Variants in CNTN5 observed in about 807,000 individuals in gnomAD.
CNTN5 encodes contactin-5.
CNTN5 carries 77 observed loss-of-function variants against 129.1 expected under a neutral mutation model. The ratio of observed to expected loss-of-function variants is 0.60; its 90% CI spans 0.50 to 0.72. The LOEUF (loss-of-function observed/expected upper bound fraction) is 0.72. CNTN5 is among the 30% of genes least tolerant of loss of function. The probability of loss-of-function intolerance (pLI) is 0.00; values close to 1 mark genes in which losing one functional copy is unlikely to be tolerated. For synonymous variants in CNTN5, 509 were observed against 465.6 expected (o/e 1.09, Z -1.20); for missense variants, 1,478 against 1,328.8 (o/e 1.11, Z -1.75).
chr11:99,784,194 C>A (rs538064835), intron 3 of CNTN5, among the ~76,000 whole-genome samples: 1 of 151,940 alleles, frequency 6.6e-6, no homozygotes, highest in Non-Finnish European at 1.5e-5. Context: ...GTGCAGAATG[C>A]GCAGGTTTGT....
At chr11:99,528,095 G>C (rs1026634364) in intron 2 of CNTN5, among the ~76,000 whole-genome samples, 1 of 152,112 alleles carries the variant, frequency 6.6e-6, no homozygotes, top group African/African-American at 2.4e-5. Flanking sequence ...GAATGATGCT[G>C]TCATAAAACA....
intron 3 of CNTN5, among the ~76,000 whole-genome samples, chr11:99,747,246 A>C (rs927549351): frequency 6.6e-6 from 1 of 151,952 alleles, no homozygotes; most frequent in African/African-American, 2.4e-5. Flanking sequence ...AGTACTACTG[A>C]TTTTTGTATG....
chr11:99,809,536 G>C (rs1373585199), intron 3 of CNTN5, among the ~76,000 whole-genome samples: 1 of 151,848 alleles, frequency 6.6e-6, no homozygotes, highest in Non-Finnish European at 1.5e-5. Flanking sequence ...TGGCCATCTA[G>C]GATTCCATTA....
intron 8 of CNTN5, among the ~76,000 whole-genome samples, chr11:99,996,069 C>T (rs1939424770): frequency 6.6e-6 from 1 of 152,128 alleles, no homozygotes; most frequent in Non-Finnish European, 1.5e-5. Flanking sequence ...TTAACCGTGT[C>T]CTTTTTTCTT....
chr11:99,275,692 T>C (rs879572481), intron 1 of CNTN5, among the ~76,000 whole-genome samples: 3 of 151,618 alleles, frequency 2.0e-5, no homozygotes, highest in Non-Finnish European at 3.0e-5. Flanking sequence ...GGAAACTAAG[T>C]GTATTCAACT....
chr11:99,255,857 T>A lies in CNTN5; in HGVS notation c.-209-69489T>A, dbSNP rs186707014. On this transcript the variant is annotated intron_variant, in intron 1 of 24. Transcript: ENST00000524871. ...GCACACGCACACACACACCCCACATTGGGTGCTCTTTCGTTTCTCCACTCT... is the reference window on the plus strand; with the variant it reads ...GCACACGCACACACACACCCCACATAGGGTGCTCTTTCGTTTCTCCACTCT... Among the ~76,000 whole-genome samples the A allele has an allele frequency of 4.4e-4, 66 of 151,370 alleles. No homozygotes were observed. In the East Asian group the frequency reaches 0.012, roughly 28 times the overall value.
chr11:99,731,039 T>C (rs1186082339), intron 3 of CNTN5, among the ~76,000 whole-genome samples: 1 of 152,090 alleles, frequency 6.6e-6, no homozygotes, highest in African/African-American at 2.4e-5. Context: ...TAGAAACACA[T>C]CCTCAAAACT....
chr11:100,337,297 C>G, intron 21 of CNTN5: 2 of 1,114,574 alleles, frequency 1.8e-6, no homozygotes, highest in South Asian at 2.5e-5. Context: ...AAATCATGCT[C>G]CTGGAGGATA....
At chr11:100,103,557 A>G (rs1945302671) in intron 13 of CNTN5, among the ~76,000 whole-genome samples, 1 of 152,068 alleles carries the variant, frequency 6.6e-6, no homozygotes, top group Non-Finnish European at 1.5e-5. Context: ...ATTTCCTCTT[A>G]CTTTGAAATC....
chr11:100,097,763 CTG>C (rs1218924278), intron 13 of CNTN5, among the ~76,000 whole-genome samples: 2 of 151,990 alleles, frequency 1.3e-5, no homozygotes, highest in East Asian at 3.9e-4. Flanking sequence ...TTTTTAGGGA[CTG>C]AGAGATTCAT....
At chr11:100,038,059 T>C (rs1942135670) in intron 9 of CNTN5, among the ~76,000 whole-genome samples, 1 of 152,130 alleles carries the variant, frequency 6.6e-6, no homozygotes, top group Non-Finnish European at 1.5e-5. Context: ...ATTGTGATGT[T>C]AGGGTGTCAA....
In CNTN5 at chr11:99,641,452, C is replaced by T. The variant is rs75879384; in HGVS notation, c.55+85183C>T. 8.5e-3 allele frequency among the ~76,000 whole-genome samples: 1,298 copies of T among 152,182 alleles called. 16 individuals carry two copies. The highest frequency in any genetic ancestry group is 0.029 in the African/African-American group (1,224 of 41,504). ...TTCTCAAAGGGAACAGGTAGAAGTT[C>T]TCACCTCTGTATGGGACTGAAGACA... On this transcript the variant is annotated intron_variant, in intron 3 of 24. Transcript: ENST00000524871.
At chr11:99,912,272 T>C (rs959916112) in intron 6 of CNTN5, among the ~76,000 whole-genome samples, 2 of 151,942 alleles carry the variant, frequency 1.3e-5, no homozygotes, top group African/African-American at 2.4e-5. Flanking sequence ...TTTAGAGAAA[T>C]AGTGTGAAGT....
At chr11:99,641,940 C>T (rs1306343785) in intron 3 of CNTN5, among the ~76,000 whole-genome samples, 4 of 152,132 alleles carry the variant, frequency 2.6e-5, no homozygotes, top group African/African-American at 9.7e-5. Context: ...TGAGGGTTGC[C>T]AGGACTGTAC....
intron 1 of CNTN5, among the ~76,000 whole-genome samples, chr11:99,153,390 C>A (rs1161020159): frequency 2.0e-5 from 3 of 151,122 alleles, no homozygotes; most frequent in African/African-American, 7.3e-5. Flanking sequence ...GGTCTTTGAA[C>A]TCTGAGATTC....
intron 6 of CNTN5, among the ~76,000 whole-genome samples, chr11:99,889,818 A>G (rs1949011224): frequency 6.6e-6 from 1 of 152,174 alleles, no homozygotes; most frequent in South Asian, 2.1e-4. Context: ...GAGTGCTGGG[A>G]TTAGAAGCAT....
chr11:99,678,119 A>C (rs1380305157), intron 3 of CNTN5, among the ~76,000 whole-genome samples: 6 of 152,098 alleles, frequency 3.9e-5, no homozygotes, highest in African/African-American at 1.4e-4. Flanking sequence ...AAATTATGTA[A>C]ATAATTGTTG....
At chr11:99,232,632 A>T (rs1352407291) in intron 1 of CNTN5, among the ~76,000 whole-genome samples, 2 of 152,148 alleles carry the variant, frequency 1.3e-5, no homozygotes, top group Non-Finnish European at 2.9e-5. Flanking sequence ...TTCCTATTCG[A>T]ATGCCCTTTA....
intron 4 of CNTN5, 69 bp downstream of exon 4, chr11:99,819,834 C>T (rs540628583): frequency 2.1e-6 from 1 of 472,016 alleles, no homozygotes; most frequent in African/African-American, 3.8e-5. Flanking sequence ...AATACTGTTG[C>T]AACAGAGATC....
Sources: allele counts gnomAD v4.1 joint callset (sites outside exome capture counted in the v4.1 genomes callset), GRCh38; gene constraint gnomAD v4.1.1; transcripts MANE v1.5; gene names NCBI Gene and HGNC (gene_info 2026-07-23, HGNC 2026-07-21).